TENM3: variants seen among roughly 807,000 people sequenced by gnomAD.
TENM3 encodes teneurin-3.
TENM3 carries 63 observed loss-of-function variants against 255.1 expected under a neutral mutation model. That is an observed-to-expected ratio of 0.25 (90% CI 0.20 to 0.30). TENM3 has a LOEUF of 0.30. Among genes scored for constraint, TENM3 ranks in the 10% least tolerant of loss-of-function variants. The pLI, the probability that TENM3 is intolerant of heterozygous loss-of-function variation, is 1.00. For synonymous variants in TENM3, 1,306 were observed against 1,322.3 expected (o/e 0.99, Z 0.27); for missense variants, 2,929 against 3,461.1 (o/e 0.85, Z 3.86).
At chr4:181,776,724 T>C in the TENM3 span, among the ~76,000 whole-genome samples, 3 of 152,174 alleles carry the variant, frequency 2.0e-5, no homozygotes. Context: ...TATCTTCCTT[T>C]GAGAAATGTC....
chr4:182,276,315 A>T (rs1375956973), intron 1 of TENM3, among the ~76,000 whole-genome samples: 1 of 152,264 alleles, frequency 6.6e-6, no homozygotes, highest in African/African-American at 2.4e-5. Flanking sequence ...ATAGAATTCA[A>T]GTCAACTTAA....
At chr4:182,307,230 A>G (rs1561303041) in intron 1 of TENM3, among the ~76,000 whole-genome samples, 1 of 152,302 alleles carries the variant, frequency 6.6e-6, no homozygotes, top group Non-Finnish European at 1.5e-5. Context: ...ACTAGCAATC[A>G]TTACTACTTG....
the TENM3 span, among the ~76,000 whole-genome samples, chr4:181,960,734 C>T: frequency 6.6e-6 from 1 of 152,310 alleles, no homozygotes; most frequent in African/African-American, 2.4e-5. Context: ...GGTTTCAAGT[C>T]ATCAACTGCC....
chr4:182,264,563 T>C (rs1388091652), intron 1 of TENM3, among the ~76,000 whole-genome samples: 1 of 152,240 alleles, frequency 6.6e-6, no homozygotes, highest in Non-Finnish European at 1.5e-5. Flanking sequence ...TGTCCTGTGC[T>C]GTAGCTCAGT....
chr4:181,973,666 C>T, the TENM3 span, among the ~76,000 whole-genome samples: 1 of 152,144 alleles, frequency 6.6e-6, no homozygotes, highest in Non-Finnish European at 1.5e-5. Flanking sequence ...GAAGCTGAGG[C>T]AAGAGGATTG....
the TENM3 span, among the ~76,000 whole-genome samples, chr4:181,592,098 C>T: frequency 2.0e-5 from 3 of 152,034 alleles, no homozygotes; most frequent in Admixed American, 6.5e-5. Flanking sequence ...AATTACAAAG[C>T]GCCCAGGAAA....
the TENM3 span, among the ~76,000 whole-genome samples, chr4:181,818,306 G>C: frequency 2.0e-5 from 3 of 152,140 alleles, no homozygotes; most frequent in Admixed American, 2.0e-4. Context: ...GATAATCTGA[G>C]TGGGCCTGAT....
intron 3 of TENM3, among the ~76,000 whole-genome samples, chr4:182,358,648 A>G (rs946641534): frequency 1.3e-5 from 2 of 151,148 alleles, no homozygotes; most frequent in East Asian, 2.0e-4. Context: ...TAGATATACA[A>G]TCATGTCGTC....
chr4:182,161,883 A>G (rs1751339318), intron 1 of TENM3, among the ~76,000 whole-genome samples: 7 of 60,490 alleles, frequency 1.2e-4, no homozygotes, highest in Non-Finnish European at 1.6e-4. Context: ...GTATATATAT[A>G]CACACATATA....
chr4:182,749,777 G>A (rs1291719591), intron 19 of TENM3, among the ~76,000 whole-genome samples: 4 of 152,152 alleles, frequency 2.6e-5, no homozygotes, highest in Non-Finnish European at 5.9e-5. Flanking sequence ...AAAAGTATGT[G>A]TGTTATGTAT....
intron 12 of TENM3, among the ~76,000 whole-genome samples, chr4:182,705,230 T>C (rs918541818): frequency 1.3e-5 from 2 of 152,222 alleles, no homozygotes; most frequent in Non-Finnish European, 2.9e-5. Context: ...AATCTGAGAA[T>C]GATACCTACT....
At chr4:182,766,305 A>C (rs1348059353) in intron 22 of TENM3, among the ~76,000 whole-genome samples, 1 of 152,198 alleles carries the variant, frequency 6.6e-6, no homozygotes, top group Non-Finnish European at 1.5e-5. Flanking sequence ...TCTCCATTTC[A>C]AGACCAGATA....
intron 1 of TENM3, among the ~76,000 whole-genome samples, chr4:182,168,832 C>T (rs1175193472): frequency 6.6e-6 from 1 of 151,886 alleles, no homozygotes; most frequent in Non-Finnish European, 1.5e-5. Flanking sequence ...CATTTTATCT[C>T]TTCATTTATG....
chr4:182,233,749 A>G (rs768114032), intron 1 of TENM3, among the ~76,000 whole-genome samples: 10 of 152,238 alleles, frequency 6.6e-5, no homozygotes, highest in Middle Eastern at 3.2e-3. Flanking sequence ...AGGTGACAAG[A>G]TATTTCCAGT....
At chr4:182,394,946 T>C (rs1768698732) in intron 3 of TENM3, among the ~76,000 whole-genome samples, 1 of 152,200 alleles carries the variant, frequency 6.6e-6, no homozygotes, top group Non-Finnish European at 1.5e-5. Context: ...TCACGATTCA[T>C]TCATCTTGTT....
Position 182,800,571 on chromosome 4 carries a change from T to TCAGTCGGACTGTA in TENM3, c.*231_*232insTACAGTCGGACTG. ...TGTTTACATATGCATAGCGCTGCACTCAGTCGGACTGAACGTAGCCAGAGG... is the reference window on the plus strand; with the variant it reads ...TGTTTACATATGCATAGCGCTGCACTCAGTCGGACTGTACAGTCGGACTGAACGTAGCCAGAGG... On this transcript the variant is annotated 3_prime_UTR_variant, in exon 28 of 28. Coordinates refer to ENST00000511685, the MANE Select transcript of TENM3 (RefSeq NM_001080477.4). The TCAGTCGGACTGTA allele has an allele frequency of 2.0e-6, 1 of 495,482 alleles. No homozygotes were observed. Among genetic ancestry groups the TCAGTCGGACTGTA allele is most frequent in the East Asian group, 3.8e-5 (1 of 26,298 alleles). 30.7% of individuals were successfully genotyped at this position (495,482 alleles called of 1,614,324 possible). A position where few individuals can be genotyped will look rare whatever the true frequency, so the allele number is the denominator to read the frequency against.
intron 1 of TENM3, among the ~76,000 whole-genome samples, chr4:182,195,699 A>G (rs1753797999): frequency 1.3e-5 from 2 of 152,212 alleles, no homozygotes; most frequent in African/African-American, 4.8e-5. Flanking sequence ...TACACTCAGT[A>G]TTAATTACTA....
At chr4:182,561,482 T>G (rs1743175735) in intron 3 of TENM3, among the ~76,000 whole-genome samples, 1 of 151,816 alleles carries the variant, frequency 6.6e-6, no homozygotes, top group Non-Finnish European at 1.5e-5. Context: ...AAATTTTCCC[T>G]GGGTAATGGA....
At chr4:181,849,314 G>A in the TENM3 span, among the ~76,000 whole-genome samples, 1 of 152,132 alleles carries the variant, frequency 6.6e-6, no homozygotes, top group Non-Finnish European at 1.5e-5. Flanking sequence ...GAGTTTACAG[G>A]CATCTCAGTT....
Sources: gnomAD v4.1 joint callset for allele counts (sites outside exome capture counted in the v4.1 genomes callset) on GRCh38, gnomAD v4.1.1 for gene constraint, MANE v1.5 for transcripts, NCBI Gene and HGNC (gene_info 2026-07-23, HGNC 2026-07-21) for gene names.